The following KCNH5 variants were observed in gnomAD, a reference collection of about 807,000 sequenced individuals.
The protein encoded by KCNH5 is voltage-gated delayed rectifier potassium channel KCNH5.
KCNH5 carries 46 observed loss-of-function variants against 96.1 expected under a neutral mutation model. The observed-to-expected ratio is 0.48, with a 90% CI of 0.38 to 0.61. The LOEUF (loss-of-function observed/expected upper bound fraction) is 0.61. Among genes scored for constraint, KCNH5 ranks in the 20% least tolerant of loss-of-function variants. KCNH5 has a pLI of 0.00. For missense variants in KCNH5, 907 were observed against 1,225.8 expected, an observed-to-expected ratio of 0.74 and a Z score of 3.88; for synonymous variants, 439 against 449.8, an observed-to-expected ratio of 0.98 and a Z score of 0.30.
intron 3 of KCNH5, among the ~76,000 whole-genome samples, chr14:63,004,963 G>C (rs530602356): frequency 3.9e-5 from 6 of 152,266 alleles, no homozygotes; most frequent in African/African-American, 1.2e-4. Flanking sequence ...GCTAAACTTG[G>C]AGCACATATC....
intron 7 of KCNH5, among the ~76,000 whole-genome samples, chr14:62,946,477 A>G (rs940455261): frequency 6.6e-6 from 1 of 151,906 alleles, no homozygotes; most frequent in African/African-American, 2.4e-5. Flanking sequence ...AAAAACCTAT[A>G]CACAAATGTT....
At chr14:62,899,662 C>T (rs1228312827) in intron 7 of KCNH5, among the ~76,000 whole-genome samples, 2 of 149,424 alleles carry the variant, frequency 1.3e-5, no homozygotes, top group East Asian at 2.1e-4. Flanking sequence ...GAAACCCCGT[C>T]TCTACTAAAA....
chr14:62,830,616 C>T (rs1456290639), intron 8 of KCNH5, among the ~76,000 whole-genome samples: 1 of 151,386 alleles, frequency 6.6e-6, no homozygotes, highest in Non-Finnish European at 1.5e-5. Flanking sequence ...CATGAGAGAA[C>T]AGCATGGAGG....
At chr14:62,890,230 T>C (rs1330679422) in intron 7 of KCNH5, among the ~76,000 whole-genome samples, 2 of 151,950 alleles carry the variant, frequency 1.3e-5, no homozygotes, top group Non-Finnish European at 2.9e-5. Flanking sequence ...AATTGACAAA[T>C]GGGATCTAAT....
At chr14:62,878,847 G>A (rs1228068923) in intron 7 of KCNH5, among the ~76,000 whole-genome samples, 1 of 151,980 alleles carries the variant, frequency 6.6e-6, no homozygotes, top group East Asian at 1.9e-4. Context: ...TCTTCACATG[G>A]TCTTCCCTCT....
intron 8 of KCNH5, among the ~76,000 whole-genome samples, chr14:62,811,482 T>C (rs1281264127): frequency 6.6e-6 from 1 of 152,180 alleles, no homozygotes; most frequent in African/African-American, 2.4e-5. Flanking sequence ...ATCTTCCCTT[T>C]CTCTGTCTAG....
At chr14:62,903,210 C>T (rs1237864037) in intron 7 of KCNH5, among the ~76,000 whole-genome samples, 2 of 152,102 alleles carry the variant, frequency 1.3e-5, no homozygotes, top group Admixed American at 1.3e-4. Context: ...GCCTGTCTTC[C>T]TTCTCTTCAC....
intron 3 of KCNH5, among the ~76,000 whole-genome samples, chr14:63,003,438 C>CATATATATATATT (rs1321141180): frequency 3.9e-5 from 4 of 103,838 alleles, no homozygotes; most frequent in African/African-American, 1.3e-4. Flanking sequence ...CAGAAAGAGC[C>CATATATATATATT]ATATATATAT....
chr14:62,751,411 T>C (rs1031053229), intron 10 of KCNH5, among the ~76,000 whole-genome samples: 1 of 152,208 alleles, frequency 6.6e-6, no homozygotes, highest in African/African-American at 2.4e-5. Flanking sequence ...CCAAGGCTCC[T>C]CTAGAGATAT....
intron 8 of KCNH5, among the ~76,000 whole-genome samples, chr14:62,824,198 G>C (rs1887172289): frequency 6.6e-6 from 1 of 151,918 alleles, no homozygotes; most frequent in African/African-American, 2.4e-5. Context: ...AAAAATTTCA[G>C]CAGTTCAGGG....
At chr14:62,900,886 C>T (rs116476381) in intron 7 of KCNH5, among the ~76,000 whole-genome samples, 204 of 152,120 alleles carry the variant, frequency 1.3e-3, no homozygotes, top group African/African-American at 4.3e-3. Context: ...ATAGAAAGAA[C>T]GCTTACGAAT....
intron 10 of KCNH5, among the ~76,000 whole-genome samples, chr14:62,771,802 G>C (rs575504097): frequency 6.6e-6 from 1 of 152,186 alleles, no homozygotes; most frequent in South Asian, 2.1e-4. Flanking sequence ...TAGAACTCTA[G>C]AGCCATTTGC....
chr14:62,930,377 G>C (rs1419939820), intron 7 of KCNH5, among the ~76,000 whole-genome samples: 3 of 152,028 alleles, frequency 2.0e-5, no homozygotes, highest in Non-Finnish European at 2.9e-5. Context: ...CCACAACAGG[G>C]AGACATTTTA....
intron 1 of KCNH5, among the ~76,000 whole-genome samples, chr14:63,017,967 G>C (rs889610080): frequency 6.6e-6 from 1 of 151,772 alleles, no homozygotes; most frequent in East Asian, 1.9e-4. Context: ...GGGTCAAACA[G>C]TGGGATAAAA....
chr14:62,832,379 G>C (rs545617342), intron 8 of KCNH5, among the ~76,000 whole-genome samples: 9 of 152,068 alleles, frequency 5.9e-5, no homozygotes, highest in African/African-American at 1.7e-4. Context: ...TTAATGATTG[G>C]TTTATTTCAC....
intron 6 of KCNH5, among the ~76,000 whole-genome samples, chr14:62,957,851 T>G (rs1401921519): frequency 1.3e-5 from 2 of 152,194 alleles, no homozygotes; most frequent in African/African-American, 4.8e-5. Context: ...ATGAGTAAAC[T>G]TAGTTGAGAT....
chr14:62,723,219 A>T (rs1392111151), intron 10 of KCNH5, among the ~76,000 whole-genome samples: 1 of 152,164 alleles, frequency 6.6e-6, no homozygotes, highest in Non-Finnish European at 1.5e-5. Flanking sequence ...AATAGTTGTC[A>T]ATTTTTACAT....
intron 7 of KCNH5, among the ~76,000 whole-genome samples, chr14:62,920,926 C>A (rs1369972115): frequency 1.3e-5 from 2 of 152,088 alleles, no homozygotes; most frequent in Non-Finnish European, 2.9e-5. Flanking sequence ...ATGCAAACTG[C>A]AAAAGAGCTT....
At position 62,772,797 on chromosome 14, in the gene KCNH5, T is replaced by C. The variant is rs143807352; in HGVS notation, c.2019+6931A>G. On this transcript the variant is annotated intron_variant, in intron 10 of 10. Transcript: ENST00000322893. ...ACAATATTACTAAATTCAGTAACAC[T>C]TCTTAAACAATACTCATATGAAAGT... Among the ~76,000 whole-genome samples the C allele has an allele frequency of 3.9e-4, 59 of 152,242 alleles. No individual in the cohort carries two copies. In the East Asian group the frequency reaches 0.01, roughly 27 times the overall value.
Sources: allele counts gnomAD v4.1 joint callset (sites outside exome capture counted in the v4.1 genomes callset), GRCh38; gene constraint gnomAD v4.1.1; transcripts MANE v1.5; gene names NCBI Gene and HGNC (gene_info 2026-07-23, HGNC 2026-07-21).